The following MAP4 variants were observed in gnomAD, a reference collection of about 807,000 sequenced individuals.
The protein encoded by MAP4 is microtubule-associated protein 4.
Under a neutral mutation model 170.2 loss-of-function variants are expected in MAP4, and 76 were observed. The observed-to-expected ratio is 0.45, with a 90% CI of 0.37 to 0.54. The LOEUF is 0.54. Ranked by LOEUF, MAP4 falls within the 20% of genes least tolerant of loss-of-function variation. The probability of loss-of-function intolerance (pLI) is 0.00; values close to 1 mark genes in which losing one functional copy is unlikely to be tolerated. For missense variants in MAP4, 2,506 were observed against 2,748.0 expected (o/e 0.91, Z 1.97); for synonymous variants, 909 against 994.5 (o/e 0.91, Z 1.62).
At chr3:47,868,155 G>C (rs1159021080) in intron 16 of MAP4, among the ~76,000 whole-genome samples, 1 of 152,178 alleles carries the variant, frequency 6.6e-6, no homozygotes, top group African/African-American at 2.4e-5. Context: ...TACGGGAATG[G>C]CTTCCCCTGG....
chr3:47,863,010 CTT>C (rs1292751592), intron 17 of MAP4, among the ~76,000 whole-genome samples: 1 of 145,788 alleles, frequency 6.9e-6, no homozygotes, highest in Admixed American at 6.9e-5. Context: ...GAGTTTCGCT[CTT>C]GTTGCCCAGG....
rs1230309782 is a variant in MAP4 at position 47,891,957 on chromosome 3, G to C, written c.5434+10993C>G. The C allele has an allele frequency of 2.6e-6, 4 of 1,536,056 alleles. No individual in the cohort carries two copies. In the Admixed American group the frequency reaches 7.8e-5, roughly 30 times the overall value. On this transcript the variant is annotated intron_variant, in intron 10 of 20. Coordinates refer to ENST00000683076, the MANE Select transcript of MAP4 (RefSeq NM_001385682.1). The stretch of plus-strand genomic sequence containing the variant: ...CTGGGGTTCCAAACACTGGTTTCCT[G>C]CTCCTTAACATATCTGGTAGGGATG...
At chr3:47,881,446 CTATATATATATATATATATA>C (rs56923064) in intron 10 of MAP4, among the ~76,000 whole-genome samples, 7,199 of 49,474 alleles carry the variant, frequency 0.15, 850 homozygotes, top group Middle Eastern at 0.22. Flanking sequence ...GAAAAAACAA[CTATATATATATATATATATA>C]TATATATATA....
At chr3:48,038,234 C>G (rs1263904083) in intron 1 of MAP4, among the ~76,000 whole-genome samples, 1 of 150,920 alleles carries the variant, frequency 6.6e-6, no homozygotes, top group Non-Finnish European at 1.5e-5. Context: ...TCACCCAGCA[C>G]CTATCCCAGT....
intron 1 of MAP4, among the ~76,000 whole-genome samples, chr3:48,012,718 T>C (rs558873735): frequency 1.3e-5 from 2 of 152,182 alleles, no homozygotes; most frequent in Admixed American, 1.3e-4. Flanking sequence ...TCATGGAATA[T>C]GAACAGTAGC....
At chr3:48,021,610 T>G (rs528646850) in intron 1 of MAP4, among the ~76,000 whole-genome samples, 1 of 152,336 alleles carries the variant, frequency 6.6e-6, no homozygotes, top group Admixed American at 6.5e-5. Flanking sequence ...CCTCCTAAAG[T>G]GTTGGGATTA....
At chr3:47,979,066 A>T (rs546060254) in intron 2 of MAP4, among the ~76,000 whole-genome samples, 1 of 151,976 alleles carries the variant, frequency 6.6e-6, no homozygotes, top group Admixed American at 6.6e-5. Flanking sequence ...AGGTCACAGG[A>T]TTTTTTTCCC....
At chr3:47,974,957 A>G in intron 3 of MAP4, 1 of 986,406 alleles carries the variant, frequency 1.0e-6, no homozygotes, top group Non-Finnish European at 1.2e-6. Flanking sequence ...CAGAGAAGGA[A>G]GGAGGAGGGA....
At chr3:47,899,814 T>C (rs934391531) in intron 10 of MAP4, among the ~76,000 whole-genome samples, 1 of 152,186 alleles carries the variant, frequency 6.6e-6, no homozygotes, top group Non-Finnish European at 1.5e-5. Context: ...GAGCTAAATA[T>C]TGTGAAGTTC....
At chr3:48,048,115 A>G (rs1423262496) in intron 1 of MAP4, among the ~76,000 whole-genome samples, 1 of 152,192 alleles carries the variant, frequency 6.6e-6, no homozygotes, top group African/African-American at 2.4e-5. Context: ...ATCTTTTAAA[A>G]AGAGAGAGAG....
At chr3:47,900,735 AAACAAC>A (rs376549564) in intron 10 of MAP4, among the ~76,000 whole-genome samples, 23 of 151,866 alleles carry the variant, frequency 1.5e-4, no homozygotes, top group East Asian at 3.9e-4. Flanking sequence ...GACTGTCTCA[AAACAAC>A]AACAACAACA....
At chr3:47,996,784 C>T (rs1033389258) in intron 2 of MAP4, among the ~76,000 whole-genome samples, 9 of 144,730 alleles carry the variant, frequency 6.2e-5, no homozygotes, top group Admixed American at 6.8e-5. Flanking sequence ...AGCAATCAGA[C>T]TGAGAGATGA....
At chr3:48,029,309 A>T (rs1010929255) in intron 1 of MAP4, among the ~76,000 whole-genome samples, 2 of 152,052 alleles carry the variant, frequency 1.3e-5, no homozygotes, top group African/African-American at 4.8e-5. Flanking sequence ...GTGGTGGTGC[A>T]CACCCATAAT....
chr3:48,020,451 G>A (rs1472783916), upstream of MAP4, among the ~76,000 whole-genome samples: 1 of 152,144 alleles, frequency 6.6e-6, no homozygotes, highest in Non-Finnish European at 1.5e-5. Flanking sequence ...TTCTAGGCAC[G>A]ACTAAGGGTA....
intron 16 of MAP4, among the ~76,000 whole-genome samples, chr3:47,867,852 C>A (rs2083234175): frequency 6.6e-6 from 1 of 152,200 alleles, no homozygotes; most frequent in African/African-American, 2.4e-5. Flanking sequence ...AAGCACTGGG[C>A]AGCTGGCAAC....
At chr3:48,054,705 G>C (rs2100129787) in intron 1 of MAP4, among the ~76,000 whole-genome samples, 1 of 149,708 alleles carries the variant, frequency 6.7e-6, no homozygotes, top group South Asian at 2.1e-4. Context: ...CTACTCAGGA[G>C]GCTGAGACAC....
chr3:47,861,863 A>G (rs2066753829), intron 17 of MAP4, among the ~76,000 whole-genome samples: 1 of 151,248 alleles, frequency 6.6e-6, no homozygotes, highest in South Asian at 2.1e-4. Flanking sequence ...TGTCTCAAAA[A>G]CAAAACAAAA....
chr3:48,024,453 G>A (rs2100112071), intron 1 of MAP4, among the ~76,000 whole-genome samples: 1 of 152,210 alleles, frequency 6.6e-6, no homozygotes, highest in African/African-American at 2.4e-5. Flanking sequence ...GACCATGTGA[G>A]TGGGTTCTAG....
chr3:48,019,191 A>C (rs1000850809), upstream of MAP4, among the ~76,000 whole-genome samples: 3 of 152,100 alleles, frequency 2.0e-5, no homozygotes, highest in Non-Finnish European at 4.4e-5. Context: ...AAATGTTTTT[A>C]ATTAGCTGGG....
Sources: gnomAD v4.1 joint callset for allele counts (sites outside exome capture counted in the v4.1 genomes callset) on GRCh38, gnomAD v4.1.1 for gene constraint, MANE v1.5 for transcripts, NCBI Gene and HGNC (gene_info 2026-07-23, HGNC 2026-07-21) for gene names.